OLFM2: variants seen among roughly 807,000 people sequenced by gnomAD.
OLFM2 encodes the protein olfactomedin 2.
Under a neutral mutation model 43.9 loss-of-function variants are expected in OLFM2, and 20 were observed. The observed-to-expected ratio is 0.46, with a 90% confidence interval of 0.32 to 0.66. The LOEUF is 0.66. OLFM2 is among the 30% of genes least tolerant of loss of function. OLFM2 has a pLI of 0.04. For missense variants in OLFM2, 416 were observed against 643.6 expected (o/e 0.65, Z 3.83); for synonymous variants, 268 against 278.6 (o/e 0.96, Z 0.38).
In OLFM2 at chr19:9,854,438, G is replaced by A. The variant is rs201860703; in HGVS notation, c.1113C>T (p.Gly371=). The change falls in exon 6 of 6, where the codon GGC becomes GGT. Residue 371 remains glycine (G), a synonymous_variant. Coordinates refer to ENST00000264833, the MANE Select transcript of OLFM2 (RefSeq NM_058164.4). This position sits in a 1 kb window ranked among gnomAD's most constrained non-coding sequence, Gnocchi z 9.5. The stretch of plus-strand genomic sequence containing the variant: ...GCACACCGCAGATCATGAAGGCCTC[G>A]CCAGCGCTGCGCTTGGGGTAGCCGG... ...WDTGYPKRSA[G]EAFMICGVLY... 26 of 1,614,036 alleles carry A rather than the reference G, an allele frequency of 1.6e-5. No individual in the cohort carries two copies. Among genetic ancestry groups the A allele is most frequent in the East Asian group, 2.2e-5 (1 of 44,894 alleles).
intron 1 of OLFM2, among the ~76,000 whole-genome samples, chr19:9,880,961 A>C (rs62104260): frequency 0.23 from 34,199 of 151,984 alleles, 4,542 homozygotes; most frequent in South Asian, 0.28. Context: ...GCAGTGACGC[A>C]ATGTAGGCTC....
At chr19:9,913,551 A>C (rs2046846930) in intron 1 of OLFM2, 1 of 1,240,236 alleles carries the variant, frequency 8.1e-7, no homozygotes, top group Non-Finnish European at 1.0e-6. Flanking sequence ...AGCGTCTGCG[A>C]CATCCAGTTG....
At chr19:9,897,634 A>G (rs548231670) in intron 1 of OLFM2, among the ~76,000 whole-genome samples, 1 of 152,278 alleles carries the variant, frequency 6.6e-6, no homozygotes, top group Non-Finnish European at 1.5e-5. Flanking sequence ...TCAGGGGCTG[A>G]GCTCCCTCCC....
chr19:9,878,964 G>A (rs1190932633), intron 1 of OLFM2, among the ~76,000 whole-genome samples: 2 of 151,926 alleles, frequency 1.3e-5, no homozygotes, highest in African/African-American at 4.8e-5. Context: ...CTCCCACCTC[G>A]GCCTCCTGAG....
chr19:9,901,033 A>C (rs2046732277), intron 1 of OLFM2, among the ~76,000 whole-genome samples: 1 of 40,120 alleles, frequency 2.5e-5, no homozygotes, highest in Admixed American at 3.8e-4. Flanking sequence ...GAGGGAAGGA[A>C]GCGGGGAGGG....
At chr19:9,879,554 C>T (rs2046522310) in intron 1 of OLFM2, among the ~76,000 whole-genome samples, 1 of 152,124 alleles carries the variant, frequency 6.6e-6, no homozygotes, top group Non-Finnish European at 1.5e-5. Flanking sequence ...TTCCTGAGGC[C>T]TCCCCAGCTA....
intron 1 of OLFM2, among the ~76,000 whole-genome samples, chr19:9,911,595 C>T (rs2046827891): frequency 6.6e-6 from 1 of 152,174 alleles, no homozygotes; most frequent in Admixed American, 6.5e-5. Flanking sequence ...CAGTTATATG[C>T]ACACACTTAC....
intron 1 of OLFM2, among the ~76,000 whole-genome samples, chr19:9,933,015 G>A (rs1245285144): frequency 5.3e-5 from 8 of 151,896 alleles, no homozygotes; most frequent in Admixed American, 3.3e-4. Context: ...ATCTCCCCGC[G>A]ACCTCTCCAG....
intron 1 of OLFM2, among the ~76,000 whole-genome samples, chr19:9,893,171 C>T (rs2046652983): frequency 6.8e-6 from 1 of 146,838 alleles, no homozygotes; most frequent in Non-Finnish European, 1.5e-5. Flanking sequence ...TTTTCTTTTT[C>T]TTTTTTTTTT....
At chr19:9,923,892 G>T (rs565323539) in intron 1 of OLFM2, among the ~76,000 whole-genome samples, 1 of 151,416 alleles carries the variant, frequency 6.6e-6, no homozygotes, top group Non-Finnish European at 1.5e-5. Flanking sequence ...CTGAGGTCAG[G>T]AGTTCGAGAC....
chr19:9,884,209 G>A (rs2046565888), intron 1 of OLFM2, among the ~76,000 whole-genome samples: 1 of 150,186 alleles, frequency 6.7e-6, no homozygotes, highest in Non-Finnish European at 1.5e-5. Context: ...GGTTGAGGCT[G>A]CAATGAGCTG....
chr19:9,930,790 T>C (rs1399862874), intron 1 of OLFM2, among the ~76,000 whole-genome samples: 3 of 149,554 alleles, frequency 2.0e-5, no homozygotes, highest in African/African-American at 4.9e-5. Flanking sequence ...GAGGCAGAGA[T>C]TGCAGTGAGC....
In OLFM2 at chr19:9,860,698, T is replaced by A; in HGVS notation, c.160A>T (p.Ser54Cys). ...CTCCTGCCATCTCGAGAGCAGGTAC[T>A]CTGCGCTGGGATCACGGCCGTGCAG... is the stretch of plus-strand genomic sequence containing the variant. ...CICTAVIPAQ[S>C]TCSRDGRSRE... is the part of the protein sequence containing the mutation. The change falls in exon 2 of 6, where the codon AGT becomes TGT. Residue 54 changes from serine (S) to cysteine (C), a missense_variant. Physicochemically the swap from Ser to Cys is moderately radical, Grantham distance 112 (BLOSUM62 -1). Coordinates refer to ENST00000264833, the MANE Select transcript of OLFM2 (RefSeq NM_058164.4). 6.2e-7 allele frequency: 1 copy of A among 1,603,800 alleles called. No homozygotes were observed. The highest frequency in any genetic ancestry group is 8.5e-7 in the Non-Finnish European group (1 of 1,175,138).
chr19:9,909,376 C>A (rs1411101091), intron 1 of OLFM2, among the ~76,000 whole-genome samples: 1 of 152,160 alleles, frequency 6.6e-6, no homozygotes, highest in African/African-American at 2.4e-5. Context: ...GATTTATGAT[C>A]CCCAGGTGAG....
intron 1 of OLFM2, chr19:9,913,411 TGCG>T (rs1445042516): frequency 9.9e-6 from 9 of 913,620 alleles, no homozygotes; most frequent in Non-Finnish European, 1.1e-5. Context: ...CCCCGGGGGC[TGCG>T]GCGGCGGCAG....
intron 1 of OLFM2, among the ~76,000 whole-genome samples, chr19:9,885,505 C>G (rs2046578861): frequency 6.6e-6 from 1 of 152,080 alleles, no homozygotes; most frequent in Non-Finnish European, 1.5e-5. Flanking sequence ...TGTACCCACC[C>G]TGCAGCTGCT....
At chr19:9,913,576 G>A in intron 1 of OLFM2, 1 of 1,287,250 alleles carries the variant, frequency 7.8e-7, no homozygotes, top group Non-Finnish European at 1.0e-6. Flanking sequence ...CCATGGCCAT[G>A]GTGCTCAGCA....
At chr19:9,897,988 G>A (rs796824071) in intron 1 of OLFM2, among the ~76,000 whole-genome samples, 18 of 151,508 alleles carry the variant, frequency 1.2e-4, no homozygotes, top group African/African-American at 3.9e-4. Context: ...CTGCAACCTC[G>A]ACCTCCTGGG....
intron 1 of OLFM2, among the ~76,000 whole-genome samples, chr19:9,906,979 G>C (rs138161713): frequency 8.5e-5 from 13 of 152,238 alleles, no homozygotes; most frequent in Admixed American, 3.9e-4. Context: ...TGGTGGCTGG[G>C]TCCTAGAGGG....
Sources: allele counts gnomAD v4.1 joint callset (sites outside exome capture counted in the v4.1 genomes callset), GRCh38; gene constraint gnomAD v4.1.1; non-coding constraint Gnocchi (gnomAD v3.1); transcripts MANE v1.5; gene names NCBI Gene and HGNC (gene_info 2026-07-23, HGNC 2026-07-21).